The following RBMS3 variants were observed in gnomAD, a reference collection of about 807,000 sequenced individuals.
The protein encoded by RBMS3 is RNA binding motif single stranded interacting protein 3.
RBMS3 carries 27 observed loss-of-function variants against 66.8 expected under a neutral mutation model. That is an observed-to-expected ratio of 0.40 (90% CI 0.30 to 0.56). The LOEUF (loss-of-function observed/expected upper bound fraction) is 0.56, where lower values mean the gene tolerates loss of function less well. Among genes scored for constraint, RBMS3 ranks in the 20% least tolerant of loss-of-function variants. The pLI is 0.40. For missense variants in RBMS3, 513 were observed against 549.5 expected, an observed-to-expected ratio of 0.93 and a Z score of 0.66; for synonymous variants, 188 against 183.0, an observed-to-expected ratio of 1.03 and a Z score of -0.22.
intron 4 of RBMS3, among the ~76,000 whole-genome samples, chr3:29,625,451 T>C (rs1366805410): frequency 6.6e-6 from 1 of 151,998 alleles, no homozygotes; most frequent in Admixed American, 6.6e-5. Context: ...CCCAGAACTT[T>C]GGGAGGCCGA....
intron 2 of RBMS3, among the ~76,000 whole-genome samples, chr3:29,438,974 G>A (rs2041506199): frequency 1.3e-5 from 2 of 152,182 alleles, no homozygotes. Flanking sequence ...AGGTATCTCT[G>A]AGGAAGTGAC....
intron 6 of RBMS3, among the ~76,000 whole-genome samples, chr3:29,827,256 T>C (rs1212254039): frequency 6.6e-6 from 1 of 152,144 alleles, no homozygotes; most frequent in Non-Finnish European, 1.5e-5. Context: ...TGCATTCTAA[T>C]TTGAGCTGCC....
chr3:29,474,832 C>G lies in RBMS3; in HGVS notation c.249-13609C>G, dbSNP rs551360475. Among the ~76,000 whole-genome samples the G allele has an allele frequency of 4.5e-4, 69 of 152,270 alleles. No individual in the cohort carries two copies. The South Asian group carries it at 0.013, about 28-fold the overall frequency. ...GAGGCAGGAGGAAAGGAAGAAAATT[C>G]TTGGCTGTTGGAATTGCAACATAGC... On this transcript the variant is annotated intron_variant, in intron 2 of 14. Coordinates refer to ENST00000383767, the MANE Select transcript of RBMS3 (RefSeq NM_001003793.3).
chr3:29,868,803 C>T, intron 6 of RBMS3, 55 bp from the exon 7 acceptor site: 6 of 1,395,396 alleles, frequency 4.3e-6, no homozygotes, highest in Non-Finnish European at 6.0e-6. Flanking sequence ...CTCACATAAT[C>T]ACTTAGTTTT....
intron 12 of RBMS3, among the ~76,000 whole-genome samples, chr3:29,983,239 C>T (rs199725808): frequency 0.029 from 3,899 of 135,908 alleles, 145 homozygotes; most frequent in East Asian, 0.17. Context: ...CCCCCGCCCC[C>T]TTTTTTTTTT....
At position 29,888,303 on chromosome 3, in the gene RBMS3, T is replaced by C. The variant is rs77170070; in HGVS notation, c.791+4095T>C. On this transcript the variant is annotated intron_variant, in intron 8 of 14. Coordinates refer to ENST00000383767, the MANE Select transcript of RBMS3 (RefSeq NM_001003793.3). ...TCAAGAGATTTTATATACTATTATA[T>C]TATCTCATATTATATTATCTAATCT... is the stretch of plus-strand genomic sequence containing the variant. Among the ~76,000 whole-genome samples the C allele has an allele frequency of 6.0e-3, 913 of 151,820 alleles. 9 individuals are homozygous for C. The highest frequency in any genetic ancestry group is 0.02 in the African/African-American group (843 of 41,488).
intron 4 of RBMS3, among the ~76,000 whole-genome samples, chr3:29,612,688 G>A (rs2048532597): frequency 6.6e-6 from 1 of 151,994 alleles, no homozygotes; most frequent in Non-Finnish European, 1.5e-5. Context: ...AAATGGTTAT[G>A]AATGAAGCAC....
intron 4 of RBMS3, among the ~76,000 whole-genome samples, chr3:29,687,012 C>T (rs191971151): frequency 2.6e-5 from 4 of 152,214 alleles, no homozygotes; most frequent in African/African-American, 9.6e-5. Context: ...AGTATATCAT[C>T]AGTTTTGTTT....
intron 4 of RBMS3, among the ~76,000 whole-genome samples, chr3:29,625,926 G>A (rs796470667): frequency 4.6e-5 from 7 of 152,070 alleles, no homozygotes; most frequent in African/African-American, 1.4e-4. Flanking sequence ...ATAAGAAGAC[G>A]GCCATCCTGG....
chr3:29,557,368 T>G (rs976745664), intron 3 of RBMS3, among the ~76,000 whole-genome samples: 1 of 152,200 alleles, frequency 6.6e-6, no homozygotes, highest in Non-Finnish European at 1.5e-5. Flanking sequence ...ATCATGAGCA[T>G]CTCTATCAAT....
At chr3:29,657,047 G>T (rs2149221963) in intron 4 of RBMS3, among the ~76,000 whole-genome samples, 1 of 152,290 alleles carries the variant, frequency 6.6e-6, no homozygotes, top group Non-Finnish European at 1.5e-5. Flanking sequence ...AGCGAAGTCT[G>T]AGAGTGGCAC....
intron 10 of RBMS3, among the ~76,000 whole-genome samples, chr3:29,928,203 T>TACACACAC (rs1415810525): frequency 7.3e-5 from 8 of 110,222 alleles, no homozygotes; most frequent in African/African-American, 2.8e-4. Flanking sequence ...TATATATATA[T>TACACACAC]ATATATATAC....
At chr3:29,980,615 T>TGTAAGGAG (rs1242747275) in intron 12 of RBMS3, among the ~76,000 whole-genome samples, 1 of 152,190 alleles carries the variant, frequency 6.6e-6, no homozygotes, top group Non-Finnish European at 1.5e-5. Flanking sequence ...TTGTATAAGG[T>TGTAAGGAG]GTAAGGAGGG....
intron 1 of RBMS3, among the ~76,000 whole-genome samples, chr3:29,396,208 C>T (rs1466120662): frequency 6.6e-6 from 1 of 152,044 alleles, no homozygotes; most frequent in African/African-American, 2.4e-5. Flanking sequence ...ACGAATCATG[C>T]ATAATCTGAA....
At chr3:29,886,364 C>T (rs2059871202) in intron 8 of RBMS3, among the ~76,000 whole-genome samples, 3 of 151,658 alleles carry the variant, frequency 2.0e-5, no homozygotes, top group Non-Finnish European at 2.9e-5. Context: ...CCATGTAGTC[C>T]GAGGTAGAGC....
chr3:29,362,730 C>T (rs1575618216), intron 1 of RBMS3, among the ~76,000 whole-genome samples: 1 of 152,128 alleles, frequency 6.6e-6, no homozygotes, highest in African/African-American at 2.4e-5. Context: ...TTAGATTGAG[C>T]CATATATGGT....
chr3:29,338,740 T>A (rs2036108196), intron 1 of RBMS3, among the ~76,000 whole-genome samples: 1 of 142,762 alleles, frequency 7.0e-6, no homozygotes, highest in Non-Finnish European at 1.5e-5. Context: ...TCCTTCCTCA[T>A]CCTTATTCCA....
chr3:29,281,475 C>CTG lies in RBMS3; in HGVS notation c.-206_-205insGT, dbSNP rs1559456045. ...TTTTCTACAGATCTCACTCCTCGCC[C>CTG]TTTTTTTTTTTCCTTTGGTGTGTGT... On this transcript the variant is annotated 5_prime_UTR_variant, in exon 1 of 15. Coordinates refer to ENST00000383767, the MANE Select transcript of RBMS3 (RefSeq NM_001003793.3). The CTG allele has an allele frequency of 2.2e-6, 1 of 444,912 alleles. No homozygotes were observed. The highest frequency in any genetic ancestry group is 4.0e-6 in the Non-Finnish European group (1 of 250,426). The allele number at this position is 444,912 out of a possible 1,614,324, so 27.6% of individuals were successfully genotyped here. A position where few individuals can be genotyped will look rare whatever the true frequency, so the allele number is the denominator to read the frequency against.
At chr3:29,992,157 TAC>T (rs907149180) in intron 14 of RBMS3, among the ~76,000 whole-genome samples, 2 of 152,346 alleles carry the variant, frequency 1.3e-5, no homozygotes, top group African/African-American at 4.8e-5. Context: ...CCTGCCTGTC[TAC>T]AGAGTGCTGC....
Sources: gnomAD v4.1 joint callset for allele counts (sites outside exome capture counted in the v4.1 genomes callset) on GRCh38, gnomAD v4.1.1 for gene constraint, MANE v1.5 for transcripts, NCBI Gene and HGNC (gene_info 2026-07-23, HGNC 2026-07-21) for gene names.